The following RHPN2 variants were observed in gnomAD, a reference collection of about 807,000 sequenced individuals.
RHPN2 encodes the protein rhophilin Rho GTPase binding protein 2, also known as rhophilin-2.
Under a neutral mutation model 79.0 loss-of-function variants are expected in RHPN2, and 40 were observed. The observed-to-expected ratio is 0.51, with a 90% CI of 0.39 to 0.66. RHPN2 has a LOEUF of 0.66. Among genes scored for constraint, RHPN2 ranks in the 30% least tolerant of loss-of-function variants. RHPN2 has a pLI of 0.00. For missense variants in RHPN2, 686 were observed against 883.5 expected, an observed-to-expected ratio of 0.78 and a Z score of 2.83; for synonymous variants, 285 against 363.5, an observed-to-expected ratio of 0.78 and a Z score of 2.46.
intron 14 of RHPN2, among the ~76,000 whole-genome samples, chr19:32,982,056 A>G (rs991537652): frequency 6.6e-6 from 1 of 152,098 alleles, no homozygotes; most frequent in African/African-American, 2.4e-5. Flanking sequence ...ATGTTCTGGC[A>G]CTAAAATTAG....
intron 14 of RHPN2, among the ~76,000 whole-genome samples, chr19:32,987,528 CCT>C (rs542019293): frequency 1.1e-3 from 172 of 152,276 alleles, no homozygotes; most frequent in African/African-American, 3.8e-3. Context: ...AACCCATCAC[CCT>C]CTCACTGCAA....
chr19:33,054,930 C>T lies in RHPN2; in HGVS notation c.69+9854G>A, dbSNP rs74530119. Among the ~76,000 whole-genome samples, 10 of 152,288 alleles carry T rather than the reference C, an allele frequency of 6.6e-5. No homozygotes were observed. In the East Asian group the frequency reaches 1.9e-3, roughly 29 times the overall value. ...AAAATTCTGTTTCTGCCAGGGGATA[C>T]CTCCCAGCCAGGATCCCACAGTTGA... On this transcript the variant is annotated intron_variant, in intron 1 of 14. Transcript: ENST00000254260.
chr19:32,999,228 G>C (rs1345528594), intron 10 of RHPN2, among the ~76,000 whole-genome samples: 2 of 152,040 alleles, frequency 1.3e-5, no homozygotes, highest in Non-Finnish European at 2.9e-5. Context: ...ACCAAACCAG[G>C]ACACTGCATT....
At chr19:33,032,736 G>A (rs1972023402) in intron 2 of RHPN2, among the ~76,000 whole-genome samples, 1 of 152,130 alleles carries the variant, frequency 6.6e-6, no homozygotes, top group Admixed American at 6.6e-5. Flanking sequence ...AAGGATTGGG[G>A]TGGGGGCGGA....
intron 13 of RHPN2, 107 bp downstream of exon 13, chr19:32,991,716 A>G (rs764243223): frequency 2.4e-4 from 298 of 1,248,794 alleles, no homozygotes; most frequent in Non-Finnish European, 3.3e-4. Context: ...TGTAGCACCC[A>G]TGAGGCCCTT....
At position 33,049,368 on chromosome 19, in the gene RHPN2, C is replaced by A. The variant is rs575417840; in HGVS notation, c.70-5004G>T. On this transcript the variant is annotated intron_variant, in intron 1 of 14. Transcript: ENST00000254260. ...CCCCCTATCTTGTGTAATAACGAGA[C>A]CTTAGCCCTGAACAAACAGCTTCCA... Among the ~76,000 whole-genome samples the A allele has an allele frequency of 6.3e-4, 96 of 152,164 alleles. 1 individual carries two copies. Among genetic ancestry groups the A allele is most frequent in the African/African-American group, 2.2e-3 (91 of 41,522 alleles).
chr19:32,994,309 T>A (rs1971683872), intron 11 of RHPN2, among the ~76,000 whole-genome samples: 1 of 151,782 alleles, frequency 6.6e-6, no homozygotes, highest in African/African-American at 2.4e-5. Context: ...GGCAGGAGAA[T>A]CACTTGAACC....
At chr19:32,991,297 AAC>A (rs1317511105) in intron 13 of RHPN2, 2 of 196,184 alleles carry the variant, frequency 1.0e-5, no homozygotes, top group Non-Finnish European at 2.1e-5. Context: ...CTCTACTAAA[AAC>A]ACACAAAAAA....
intron 10 of RHPN2, among the ~76,000 whole-genome samples, chr19:32,997,362 AACAAG>A (rs1971710576): frequency 6.6e-6 from 1 of 152,250 alleles, no homozygotes; most frequent in Non-Finnish European, 1.5e-5. Flanking sequence ...ACAGATAACT[AACAAG>A]ACAAGAAATA....
intron 12 of RHPN2, 44 bp downstream of exon 12, chr19:32,993,933 G>A (rs982665712): frequency 7.0e-7 from 1 of 1,420,872 alleles, no homozygotes; most frequent in African/African-American, 1.4e-5. Context: ...AAAGTGAAGA[G>A]CTGTCCCCTT....
chr19:33,024,648 G>A (rs976254902), intron 3 of RHPN2, among the ~76,000 whole-genome samples: 6 of 150,148 alleles, frequency 4.0e-5, no homozygotes, highest in Admixed American at 6.6e-5. Context: ...GCTATTTTCC[G>A]ACTGAGTTTC....
At chr19:33,004,035 T>C (rs1971771667) in intron 7 of RHPN2, among the ~76,000 whole-genome samples, 1 of 152,098 alleles carries the variant, frequency 6.6e-6, no homozygotes, top group Non-Finnish European at 1.5e-5. Context: ...TTTTTAAAAA[T>C]GTATTTATTT....
intron 14 of RHPN2, among the ~76,000 whole-genome samples, chr19:32,980,527 C>T (rs890267494): frequency 1.3e-5 from 2 of 152,080 alleles, no homozygotes; most frequent in African/African-American, 2.4e-5. Flanking sequence ...ATCACTTGAA[C>T]CCAGGAGGTG....
intron 2 of RHPN2, among the ~76,000 whole-genome samples, chr19:33,033,523 G>A (rs1375713486): frequency 1.3e-5 from 2 of 152,008 alleles, no homozygotes; most frequent in African/African-American, 2.4e-5. Flanking sequence ...CAGTGATCAC[G>A]CCACTGCACT....
intron 4 of RHPN2, among the ~76,000 whole-genome samples, chr19:33,014,263 T>TA (rs1414075479): frequency 1.3e-5 from 2 of 152,148 alleles, no homozygotes; most frequent in Non-Finnish European, 2.9e-5. Flanking sequence ...ACACTTGTCT[T>TA]ACAAAAATGG....
At position 32,996,144 on chromosome 19, in the gene RHPN2, C is replaced by T. The variant is rs1568311302; in HGVS notation, c.1302G>A (p.Arg434=). The part of the protein sequence containing the change: ...VREASLCKKL[R]SIEVLQKVLC... The stretch of plus-strand genomic sequence containing the variant: ...GCACCTTCTGTAGCACCTCAATGCT[C>T]CGCAGCTTCTTGCAGAGGCTGGCCT... Residue 434 remains arginine, a synonymous_variant, in exon 11 of 15, where the codon CGG becomes CGA. Transcript: ENST00000254260. 1 of 1,614,058 alleles carries T rather than the reference C, an allele frequency of 6.2e-7. No individual in the cohort carries two copies.
intron 2 of RHPN2, among the ~76,000 whole-genome samples, chr19:33,036,935 C>T (rs924079614): frequency 2.0e-5 from 3 of 152,162 alleles, no homozygotes; most frequent in Admixed American, 1.3e-4. Context: ...CCGCCCCCTG[C>T]TCCACGGCAC....
At chr19:33,048,886 G>GTT (rs1972165337) in intron 1 of RHPN2, among the ~76,000 whole-genome samples, 1 of 152,012 alleles carries the variant, frequency 6.6e-6, no homozygotes, top group Non-Finnish European at 1.5e-5. Context: ...CATTTTACAG[G>GTT]GAAGCTTGAA....
At chr19:33,026,273 G>A (rs1303463442) in intron 3 of RHPN2, among the ~76,000 whole-genome samples, 8 of 151,768 alleles carry the variant, frequency 5.3e-5, no homozygotes, top group Non-Finnish European at 1.2e-4. Flanking sequence ...CACCGTGCCC[G>A]GCCTCACAAA....
Sources: gnomAD v4.1 joint callset for allele counts (sites outside exome capture counted in the v4.1 genomes callset) on GRCh38, gnomAD v4.1.1 for gene constraint, MANE v1.5 for transcripts, NCBI Gene and HGNC (gene_info 2026-07-23, HGNC 2026-07-21) for gene names.